PPM1E: variants seen among roughly 807,000 people sequenced by gnomAD.
The protein encoded by PPM1E is protein phosphatase, Mg2+/Mn2+ dependent 1E, also known as protein phosphatase 1E.
A neutral mutation model predicts 65.9 loss-of-function variants in PPM1E; 20 were observed. The ratio of observed to expected loss-of-function variants is 0.30; its 90% confidence interval spans 0.21 to 0.44. The LOEUF is 0.44. Ranked by LOEUF, PPM1E falls within the 20% of genes least tolerant of loss-of-function variation. The pLI is 1.00. For missense variants in PPM1E, 713 were observed against 953.1 expected, an observed-to-expected ratio of 0.75 and a Z score of 3.32; for synonymous variants, 352 against 374.9, an observed-to-expected ratio of 0.94 and a Z score of 0.70.
At chr17:58,829,852 C>T (rs1382739118) in intron 1 of PPM1E, among the ~76,000 whole-genome samples, 1 of 152,136 alleles carries the variant, frequency 6.6e-6, no homozygotes, top group Non-Finnish European at 1.5e-5. Context: ...TTATTCCACT[C>T]CTCCACTTGA....
At chr17:58,938,183 A>G (rs925683470) in intron 1 of PPM1E, among the ~76,000 whole-genome samples, 1 of 152,184 alleles carries the variant, frequency 6.6e-6, no homozygotes, top group Non-Finnish European at 1.5e-5. Flanking sequence ...CCTTATTTGG[A>G]ATAGAATTAT....
chr17:58,788,186 GATTACAGGCGCTCGGCACCACACCC>G (rs982265868), intron 1 of PPM1E, among the ~76,000 whole-genome samples: 40 of 152,104 alleles, frequency 2.6e-4, no homozygotes, highest in African/African-American at 9.2e-4. Flanking sequence ...AAGTAGCTGG[GATTACAGGCGCTCGGCACCACACCC>G]AGCTAATTTT....
chr17:58,915,262 A>T (rs1415906968), intron 1 of PPM1E, among the ~76,000 whole-genome samples: 1 of 152,204 alleles, frequency 6.6e-6, no homozygotes, highest in Non-Finnish European at 1.5e-5. Flanking sequence ...GGGGTGGATT[A>T]TTCATGCCTC....
At chr17:58,805,966 A>AAC (rs1567838773) in intron 1 of PPM1E, among the ~76,000 whole-genome samples, 9 of 114,156 alleles carry the variant, frequency 7.9e-5, no homozygotes, top group Non-Finnish European at 1.5e-4. Context: ...AAAAACAAAA[A>AAC]AAAAAAACAA....
rs1411451188 is a variant in PPM1E at position 58,982,331 on chromosome 17, C to T, written c.*1300C>T. The T allele has an allele frequency of 6.6e-6, 1 of 152,240 alleles. No homozygotes were observed. The highest frequency in any genetic ancestry group is 2.4e-5 in the African/African-American group (1 of 41,452). The allele number at this position is 152,240 out of a possible 1,614,324, so 9.4% of individuals were successfully genotyped here. A position where few individuals can be genotyped will look rare whatever the true frequency, so the allele number is the denominator to read the frequency against. On this transcript the variant is annotated 3_prime_UTR_variant, in exon 7 of 7. Coordinates refer to ENST00000308249, the MANE Select transcript of PPM1E (RefSeq NM_014906.5). ...TTGTCAACTAAAGACAACAAACTATCAGATTCATTCATTCAGTGAAGCAGC... is the reference window on the plus strand; with the variant it reads ...TTGTCAACTAAAGACAACAAACTATTAGATTCATTCATTCAGTGAAGCAGC...
intron 1 of PPM1E, among the ~76,000 whole-genome samples, chr17:58,804,593 A>C (rs1236502201): frequency 6.6e-6 from 1 of 152,198 alleles, no homozygotes; most frequent in African/African-American, 2.4e-5. Context: ...TCATTATTAT[A>C]ATAAATGTTA....
At chr17:58,859,770 A>G (rs2050919157) in intron 1 of PPM1E, among the ~76,000 whole-genome samples, 1 of 152,270 alleles carries the variant, frequency 6.6e-6, no homozygotes, top group Admixed American at 6.5e-5. Context: ...TAGAATAAGT[A>G]ACAGCTTCCA....
intron 1 of PPM1E, among the ~76,000 whole-genome samples, chr17:58,838,531 G>A (rs941829113): frequency 5.3e-5 from 8 of 152,272 alleles, no homozygotes; most frequent in African/African-American, 1.2e-4. Flanking sequence ...TGGTGAGGAT[G>A]AAAAACAAAA....
intron 1 of PPM1E, among the ~76,000 whole-genome samples, chr17:58,830,886 T>C (rs2143176156): frequency 6.6e-6 from 1 of 152,162 alleles, no homozygotes; most frequent in Admixed American, 6.5e-5. Flanking sequence ...GGTTTCACCA[T>C]GTTGGCCAGG....
At chr17:58,971,651 G>T (rs752990594) in intron 4 of PPM1E, among the ~76,000 whole-genome samples, 1 of 152,140 alleles carries the variant, frequency 6.6e-6, no homozygotes, top group Non-Finnish European at 1.5e-5. Flanking sequence ...CATCTGTTGT[G>T]TACCAATCAG....
intron 1 of PPM1E, among the ~76,000 whole-genome samples, chr17:58,841,789 C>T (rs1419902285): frequency 6.6e-6 from 1 of 151,924 alleles, no homozygotes; most frequent in East Asian, 1.9e-4. Context: ...CTCACTGCAA[C>T]CTCTGCCTCT....
At position 58,910,109 on chromosome 17, in the gene PPM1E, G is replaced by A. The variant is rs1370097612; in HGVS notation, c.465-45540G>A. 2.0e-5 allele frequency among the ~76,000 whole-genome samples: 3 copies of A among 151,518 alleles called. No individual in the cohort carries two copies. The East Asian group carries it at 5.8e-4, about 29-fold the overall frequency. ...GTAGAGAAGGGGTTTTGCCATGTTG[G>A]CCAGGCTGGTCTTGAACTCCTGACC... On this transcript the variant is annotated intron_variant, in intron 1 of 6. Transcript: ENST00000308249.
rs8080084 is a variant in PPM1E at position 58,831,031 on chromosome 17, A to G, written c.464+74570A>G. Among the ~76,000 whole-genome samples the G allele has an allele frequency of 6.2e-3, 835 of 134,410 alleles. 10 individuals carry two copies. Among genetic ancestry groups the G allele is most frequent in the Admixed American group, 0.012 (151 of 12,934 alleles). 88.2% of individuals were successfully genotyped at this position (134,410 alleles called of 152,430 possible). Reference sequence around the variant, plus strand: ...TTTTTTTTTTTTTCGTTTTTTTGAGATGGAGTCTCACTCTAATCACCCAGG... The same window carrying G: ...TTTTTTTTTTTTTCGTTTTTTTGAGGTGGAGTCTCACTCTAATCACCCAGG... On this transcript the variant is annotated intron_variant, in intron 1 of 6. Transcript: ENST00000308249.
rs114152543 is a variant in PPM1E, at chr17:58,888,238, G to A, written c.465-67411G>A. On this transcript the variant is annotated intron_variant, in intron 1 of 6. Coordinates refer to ENST00000308249, the MANE Select transcript of PPM1E (RefSeq NM_014906.5). ...ATTTAAGCATTGGCTGTAAGTAAAT[G>A]GTATCCATGGAACTGGCTTTACAAT... 5.0e-3 allele frequency among the ~76,000 whole-genome samples: 753 copies of A among 151,928 alleles called. 5 individuals are homozygous for A. Among genetic ancestry groups the A allele is most frequent in the African/African-American group, 0.017 (710 of 41,436 alleles).
intron 1 of PPM1E, among the ~76,000 whole-genome samples, chr17:58,822,260 A>G (rs1403311380): frequency 6.6e-6 from 1 of 152,234 alleles, no homozygotes; most frequent in African/African-American, 2.4e-5. Flanking sequence ...AGGAGCAAGC[A>G]TTATAAAATA....
chr17:58,768,097 C>T (rs2049900607), intron 1 of PPM1E, among the ~76,000 whole-genome samples: 2 of 151,884 alleles, frequency 1.3e-5, no homozygotes, highest in African/African-American at 4.8e-5. Flanking sequence ...ATTACAGGTG[C>T]CTGCCACCTT....
chr17:58,886,643 T>G (rs1173697442), intron 1 of PPM1E, among the ~76,000 whole-genome samples: 2 of 152,240 alleles, frequency 1.3e-5, no homozygotes, highest in Admixed American at 1.3e-4. Context: ...TCTTCTTCTC[T>G]GACATACAAG....
At chr17:58,766,207 T>G (rs1308815505) in intron 1 of PPM1E, among the ~76,000 whole-genome samples, 3 of 132,900 alleles carry the variant, frequency 2.3e-5, no homozygotes, top group Non-Finnish European at 3.2e-5. Context: ...TTTTTTTTTT[T>G]TTTTTTTTTT....
intron 1 of PPM1E, among the ~76,000 whole-genome samples, chr17:58,856,180 C>T (rs767826409): frequency 1.3e-5 from 2 of 152,010 alleles, no homozygotes; most frequent in East Asian, 1.9e-4. Context: ...GCTAATAATT[C>T]TCTGGAAAAT....
Sources: gnomAD v4.1 joint callset for allele counts (sites outside exome capture counted in the v4.1 genomes callset) on GRCh38, gnomAD v4.1.1 for gene constraint, MANE v1.5 for transcripts, NCBI Gene and HGNC (gene_info 2026-07-23, HGNC 2026-07-21) for gene names.